Variants in FKBP9 observed in about 807,000 individuals in gnomAD.
FKBP9 encodes the protein FKBP prolyl isomerase 9.
In FKBP9, 27 loss-of-function variants were observed where a neutral mutation model predicts 55.6. That is an observed-to-expected ratio of 0.49 (90% confidence interval 0.36 to 0.67). The LOEUF (loss-of-function observed/expected upper bound fraction) is 0.67. FKBP9 is among the 30% of genes least tolerant of loss of function. The pLI is 0.00. For missense variants in FKBP9, 539 were observed against 742.8 expected (o/e 0.73, Z 3.19); for synonymous variants, 267 against 296.5 (o/e 0.90, Z 1.02).
At chr7:32,989,881 G>C (rs1583863306) in intron 6 of FKBP9, among the ~76,000 whole-genome samples, 1 of 152,202 alleles carries the variant, frequency 6.6e-6, no homozygotes, top group East Asian at 1.9e-4. Flanking sequence ...GGTAAGATAA[G>C]CTCCTAACTC....
At chr7:32,997,458 C>T (rs1247475739) in intron 7 of FKBP9, among the ~76,000 whole-genome samples, 1 of 152,220 alleles carries the variant, frequency 6.6e-6, no homozygotes, top group East Asian at 1.9e-4. Context: ...CTCAAATGAT[C>T]CTCCCCTCTT....
intron 5 of FKBP9, among the ~76,000 whole-genome samples, chr7:32,984,013 T>C (rs1035842178): frequency 2.6e-5 from 4 of 152,218 alleles, no homozygotes; most frequent in Non-Finnish European, 1.5e-5. Flanking sequence ...TGTTTGTTAA[T>C]TTTGGTTATG....
At chr7:32,971,356 GT>G (rs1465558617) in intron 1 of FKBP9, among the ~76,000 whole-genome samples, 3 of 152,170 alleles carry the variant, frequency 2.0e-5, no homozygotes, top group Non-Finnish European at 4.4e-5. Flanking sequence ...AGATTTTTTG[GT>G]TTTTAGCACT....
chr7:32,989,544 T>C (rs1239948898), intron 6 of FKBP9, among the ~76,000 whole-genome samples: 1 of 152,008 alleles, frequency 6.6e-6, no homozygotes, highest in East Asian at 1.9e-4. Context: ...GCCTCCCAAG[T>C]AGCTGGGACT....
At chr7:32,964,405 A>G (rs527288307) in intron 1 of FKBP9, among the ~76,000 whole-genome samples, 2 of 152,356 alleles carry the variant, frequency 1.3e-5, no homozygotes, top group African/African-American at 4.8e-5. Flanking sequence ...TAATTTGTGC[A>G]GTTGCTTAAA....
intron 4 of FKBP9, among the ~76,000 whole-genome samples, chr7:32,977,703 G>A (rs1485465726): frequency 4.6e-5 from 7 of 151,382 alleles, no homozygotes; most frequent in Middle Eastern, 3.4e-3. Context: ...TGTTTTCAAC[G>A]TTTTTTCCTG....
intron 6 of FKBP9, among the ~76,000 whole-genome samples, chr7:32,989,503 C>T (rs1245665858): frequency 6.6e-6 from 1 of 152,068 alleles, no homozygotes; most frequent in Non-Finnish European, 1.5e-5. Context: ...GCAACCTCTG[C>T]CTCCTGGGTT....
intron 6 of FKBP9, among the ~76,000 whole-genome samples, chr7:32,991,598 T>C (rs1784684459): frequency 6.6e-6 from 1 of 151,644 alleles, no homozygotes; most frequent in Admixed American, 6.6e-5. Flanking sequence ...GACCGTGTGC[T>C]CTCAGCCTCT....
chr7:32,957,766 T>C lies in FKBP9; in HGVS notation c.193T>C (p.Phe65Leu). ...CGTGCGCTACCACTACGTGGGGACG[T>C]TCCCCGACGGCCAGAAGTTCGACTC... ...DFVRYHYVGT[F>L]PDGQKFDSSY... The change falls in exon 1 of 10, where the codon TTC becomes CTC. Residue 65 changes from phenylalanine to leucine, a missense_variant. Phe to Leu is a conservative substitution (Grantham distance 22, BLOSUM62 0). Coordinates refer to ENST00000242209, the MANE Select transcript of FKBP9 (RefSeq NM_007270.5). 1.4e-6 allele frequency: 2 copies of C among 1,468,402 alleles called. No homozygotes were observed. The highest frequency in any genetic ancestry group is 9.0e-7 in the Non-Finnish European group (1 of 1,112,346). The allele number at this position is 1,468,402 out of a possible 1,614,324, so 91.0% of individuals were successfully genotyped here. A position where few individuals can be genotyped will look rare whatever the true frequency, so the allele number is the denominator to read the frequency against.
At chr7:33,000,287 G>A in intron 8 of FKBP9, 27 bp downstream of exon 8, 1 of 1,581,420 alleles carries the variant, frequency 6.3e-7, no homozygotes, top group South Asian at 1.1e-5. Context: ...ATTCAAGGGT[G>A]TTGGGGGCCC....
intron 7 of FKBP9, among the ~76,000 whole-genome samples, chr7:32,999,584 A>T (rs1784890279): frequency 6.6e-6 from 1 of 151,926 alleles, no homozygotes; most frequent in African/African-American, 2.4e-5. Context: ...GCCAAGCATA[A>T]CATGTTATTT....
Position 32,984,729 on chromosome 7 carries a change from C to T in FKBP9, c.894-3778C>T, listed in dbSNP as rs147436000. On this transcript the variant is annotated intron_variant, in intron 5 of 9. Transcript: ENST00000242209. ...TGCTTTCATATTTAAGTCTTTAATC[C>T]ATCTGGAATTTATTGTGGTATCACT... Among the ~76,000 whole-genome samples the T allele has an allele frequency of 8.3e-3, 1,263 of 152,252 alleles. 23 individuals are homozygous for T. The highest frequency in any genetic ancestry group is 0.029 in the African/African-American group (1,211 of 41,546).
intron 5 of FKBP9, among the ~76,000 whole-genome samples, chr7:32,986,759 G>A (rs1319783729): frequency 6.6e-6 from 1 of 152,174 alleles, no homozygotes; most frequent in African/African-American, 2.4e-5. Flanking sequence ...GCCTGGCCCT[G>A]CTCGGCAGTC....
chr7:32,971,637 T>C (rs1249048659), intron 1 of FKBP9, among the ~76,000 whole-genome samples: 3 of 152,186 alleles, frequency 2.0e-5, no homozygotes, highest in East Asian at 1.9e-4. Flanking sequence ...CATACCGCCA[T>C]GCTCAGCTAA....
chr7:32,982,263 C>A (rs1784492416), intron 5 of FKBP9, among the ~76,000 whole-genome samples: 1 of 152,110 alleles, frequency 6.6e-6, no homozygotes, highest in African/African-American at 2.4e-5. Context: ...TCAGGTGATC[C>A]ACCCAACGCA....
chr7:32,986,726 C>T (rs1784586979), intron 5 of FKBP9, among the ~76,000 whole-genome samples: 1 of 152,174 alleles, frequency 6.6e-6, no homozygotes, highest in South Asian at 2.1e-4. Context: ...AGGGAGAACC[C>T]CCACAGCTCT....
Position 32,989,507 on chromosome 7 carries a change from C to T in FKBP9, c.1039+855C>T, listed in dbSNP as rs1198950732. On this transcript the variant is annotated intron_variant, in intron 6 of 9. Coordinates refer to ENST00000242209, the MANE Select transcript of FKBP9 (RefSeq NM_007270.5). ...CTTGGCTCACTGCAACCTCTGCCTC[C>T]TGGGTTCAGGTGAGTCTCGTGCCTT... is the stretch of plus-strand genomic sequence containing the variant. Among the ~76,000 whole-genome samples, 3 of 152,116 alleles carry T rather than the reference C, an allele frequency of 2.0e-5. No homozygotes were observed. The East Asian group carries it at 5.8e-4, about 29-fold the overall frequency.
intron 1 of FKBP9, among the ~76,000 whole-genome samples, chr7:32,960,167 C>T (rs1171495130): frequency 7.4e-6 from 1 of 134,756 alleles, no homozygotes. Flanking sequence ...GGCTGGAGTG[C>T]AATGGTGCGA....
intron 5 of FKBP9, among the ~76,000 whole-genome samples, chr7:32,981,896 CAA>C (rs535925227): frequency 1.1e-4 from 11 of 98,166 alleles, no homozygotes; most frequent in Non-Finnish European, 8.5e-5. Context: ...GACTCTGTCT[CAA>C]AAAAAAAAAA....
Sources: gnomAD v4.1 joint callset for allele counts (sites outside exome capture counted in the v4.1 genomes callset) on GRCh38, gnomAD v4.1.1 for gene constraint, MANE v1.5 for transcripts, NCBI Gene and HGNC (gene_info 2026-07-23, HGNC 2026-07-21) for gene names.